MYO1A: variants seen among roughly 807,000 people sequenced by gnomAD.
The protein encoded by MYO1A is unconventional myosin-Ia.
MYO1A carries 127 observed loss-of-function variants against 138.5 expected under a neutral mutation model. That is an observed-to-expected ratio of 0.92 (90% CI 0.79 to 1.06). MYO1A has a LOEUF of 1.06. Ranked by LOEUF, MYO1A falls within the 50% of genes least tolerant of loss-of-function variation. The probability of loss-of-function intolerance (pLI) is 0.00; values close to 1 mark genes in which losing one functional copy is unlikely to be tolerated. For synonymous variants in MYO1A, 477 were observed against 497.5 expected, an observed-to-expected ratio of 0.96 and a Z score of 0.55; for missense variants, 1,211 against 1,288.8, an observed-to-expected ratio of 0.94 and a Z score of 0.92.
chr12:57,047,448 T>A, intron 4 of MYO1A, 41 bp from the exon 5 acceptor site: 2 of 1,584,646 alleles, frequency 1.3e-6, no homozygotes, highest in Non-Finnish European at 1.7e-6. Flanking sequence ...CACCCAGGAC[T>A]AGCCCATCCC....
At chr12:57,034,866 T>C (rs984717814) in intron 22 of MYO1A, among the ~76,000 whole-genome samples, 3 of 151,964 alleles carry the variant, frequency 2.0e-5, no homozygotes, top group Non-Finnish European at 4.4e-5. Flanking sequence ...CTCAGGAGGC[T>C]GAGGCAGGAT....
In MYO1A at chr12:57,037,575, T is replaced by G. The variant is rs748775677; in HGVS notation, c.2028A>C (p.Thr676=). 6.2e-7 allele frequency: 1 copy of G among 1,614,134 alleles called. No homozygotes were observed. The highest frequency in any genetic ancestry group is 1.7e-5 in the Admixed American group (1 of 60,016). Reference sequence around the variant, plus strand: ...TCTTGGGGCTTCTAATGAAGATCTTTGTCTTGCCAAAGGCCAGCTCCCCCG... The same window carrying G: ...TCTTGGGGCTTCTAATGAAGATCTTGGTCTTGCCAAAGGCCAGCTCCCCCG... The part of the protein sequence containing the change: ...MSSGELAFGK[T]KIFIRSPKTL... Residue 676 remains threonine (T), a synonymous_variant, in exon 19 of 28, where the codon ACA becomes ACC. Coordinates refer to ENST00000300119, the MANE Select transcript of MYO1A (RefSeq NM_005379.4).
chr12:57,043,430 A>C, intron 10 of MYO1A, 72 bp from the exon 11 acceptor site: 1 of 1,412,682 alleles, frequency 7.1e-7, no homozygotes, highest in South Asian at 1.1e-5. Context: ...CAATCTGATA[A>C]GTGAAACTGC....
chr12:57,038,399 G>A lies in MYO1A; in HGVS notation c.1760+13C>T, dbSNP rs765752333. Reference sequence around the variant, plus strand: ...ACATATGTAGCATGTTCCCCTGCATGCCAGCATGTCACCTGATGTAGTTGG... The same window carrying A: ...ACATATGTAGCATGTTCCCCTGCATACCAGCATGTCACCTGATGTAGTTGG... On this transcript the variant is annotated intron_variant, in intron 17 of 27. Coordinates refer to ENST00000300119, the MANE Select transcript of MYO1A (RefSeq NM_005379.4). The A allele has an allele frequency of 6.2e-7, 1 of 1,613,198 alleles. No individual in the cohort carries two copies. The highest frequency in any genetic ancestry group is 1.1e-5 in the South Asian group (1 of 91,074).
In MYO1A at chr12:57,038,002, G is replaced by T; in HGVS notation, c.1828C>A (p.Arg610=). The change falls in exon 18 of 28, where the codon CGG becomes AGG. Residue 610 remains arginine, a synonymous_variant. Coordinates refer to ENST00000300119, the MANE Select transcript of MYO1A (RefSeq NM_005379.4). ...ACGTTCTCCAGCAGTCCCAGGTACC[G>T]AGCCTGGGTTGCCACCAGGTCTGAA... ...FSSDLVATQA[R]YLGLLENVRV... The T allele has an allele frequency of 6.2e-7, 1 of 1,614,180 alleles. No homozygotes were observed. The highest frequency in any genetic ancestry group is 8.5e-7 in the Non-Finnish European group (1 of 1,180,040).
At chr12:57,049,568 T>C (rs552391863) in intron 1 of MYO1A, among the ~76,000 whole-genome samples, 3 of 152,326 alleles carry the variant, frequency 2.0e-5, no homozygotes, top group East Asian at 3.9e-4. Context: ...CTAGGAATCA[T>C]GCAGCGTTTA....
chr12:57,046,514 G>A (rs1203843981), intron 8 of MYO1A, 38 bp downstream of exon 8: 1 of 1,525,232 alleles, frequency 6.6e-7, no homozygotes, highest in East Asian at 2.2e-5. Context: ...TTTGCCATGT[G>A]TCACTCATGA....
chr12:57,038,908 C>G lies in MYO1A; in HGVS notation c.1434G>C (p.Lys478Asn), dbSNP rs1411857245. 1 of 1,614,180 alleles carries G rather than the reference C, an allele frequency of 6.2e-7. No homozygotes were observed. The highest frequency in any genetic ancestry group is 1.7e-5 in the Admixed American group (1 of 60,018). The change falls in exon 16 of 28, where the codon AAG becomes AAC. Residue 478 changes from lysine to asparagine, a missense_variant. By Grantham distance (94) the Lys-to-Asn change is moderately conservative. Coordinates refer to ENST00000300119, the MANE Select transcript of MYO1A (RefSeq NM_005379.4). ...FLAKLNQLFS[K>N]HGHYESKVTQ... ...TGACTTTGCTCTCGTAGTGGCCATG[C>G]TTGGAGAAGAGCTGGTTCAGCTTTG...
chr12:57,047,629 G>A lies in MYO1A; in HGVS notation c.323C>T (p.Thr108Ile), dbSNP rs2031165703. The A allele has an allele frequency of 8.1e-6, 13 of 1,614,192 alleles. No individual in the cohort carries two copies. The East Asian group carries it at 2.5e-4, about 30-fold the overall frequency. ...LITGESGSGK[T>I]EASKLVMSYV... ...GTTCCCCCAGCCAGGGGCCTCACCA[G>A]TCTTCCCTGATCCACTCTCGCCTGT... The change falls in exon 4 of 28, where the codon ACT (threonine) becomes ATT (isoleucine). Residue 108 changes from threonine to isoleucine, a missense_variant and splice_region_variant. Transcript: ENST00000300119.
In MYO1A at chr12:57,047,409, T is replaced by C. The variant is rs763448539; in HGVS notation, c.326-2A>G. The stretch of plus-strand genomic sequence containing the variant: ...AAGACATCACCAGCTTGCTGGCCTC[T>C]GTGCAGGCAAAACGCTCTCATGGGT... On this transcript the variant is annotated splice_acceptor_variant, in intron 4 of 27. Transcript: ENST00000300119. LOFTEE classifies it high-confidence loss of function. 2 of 1,614,018 alleles carry C rather than the reference T, an allele frequency of 1.2e-6. No individual in the cohort carries two copies. The highest frequency in any genetic ancestry group is 1.1e-5 in the South Asian group (1 of 91,084).
At position 57,047,649 on chromosome 12, in the gene MYO1A, G is replaced by A. The variant is rs750183012; in HGVS notation, c.303C>T (p.Gly101=). 277 of 1,614,048 alleles carry A rather than the reference G, an allele frequency of 1.7e-4. 1 individual carries two copies. Among genetic ancestry groups the A allele is most frequent in the Middle Eastern group, 6.6e-4 (4 of 6,084 alleles). ...RDRDQCILIT[G]ESGSGKTEAS... is the part of the protein sequence containing the mutation. Reference sequence around the variant, plus strand: ...CACCAGTCTTCCCTGATCCACTCTCGCCTGTGATGAGGATACACTGGTCTC... The same window carrying A: ...CACCAGTCTTCCCTGATCCACTCTCACCTGTGATGAGGATACACTGGTCTC... Residue 101 remains glycine, a synonymous_variant, in exon 4 of 28, where the codon GGC becomes GGT. Transcript: ENST00000300119.
Position 57,037,626 on chromosome 12 carries a change from C to CT in MYO1A, c.1976dup (p.Val660GlyfsTer22). On this transcript the variant is annotated frameshift_variant, in exon 19 of 28. Coordinates refer to ENST00000300119, the MANE Select transcript of MYO1A (RefSeq NM_005379.4). LOFTEE classifies it high-confidence loss of function. Reference sequence around the variant, plus strand: ...AGGACATGCTCAGCTCCCCCAGGACCTTCTCAACACCTTCCCTATGGAAGC... The same window carrying CT: ...AGGACATGCTCAGCTCCCCCAGGACCTTTCTCAACACCTTCCCTATGGAAGC... 1 of 1,614,120 alleles carries CT rather than the reference C, an allele frequency of 6.2e-7. No individual in the cohort carries two copies. Among genetic ancestry groups the CT allele is most frequent in the Non-Finnish European group, 8.5e-7 (1 of 1,180,028 alleles).
chr12:57,038,538 G>A lies in MYO1A; in HGVS notation c.1634C>T (p.Ser545Phe), dbSNP rs2030688643. 6 of 1,614,082 alleles carry A rather than the reference G, an allele frequency of 3.7e-6. No homozygotes were observed. Among genetic ancestry groups the A allele is most frequent in the Non-Finnish European group, 5.1e-6 (6 of 1,180,048 alleles). ...CTTAGGATTGCCCTCAGGAAACAAG[G>A]ACCGAAGGAGGGGGTGCTGGGCCTT... ...MWKAQHPLLR[S>F]LFPEGNPKQA... Residue 545 changes from serine to phenylalanine, a missense_variant, in exon 17 of 28, where the codon TCC becomes TTC. Transcript: ENST00000300119.
In MYO1A at chr12:57,029,765, T is replaced by A; in HGVS notation, c.2699A>T (p.Lys900Met). The change falls in exon 25 of 28, where the codon AAG becomes ATG. Residue 900 changes from lysine (K) to methionine (M), a missense_variant. Transcript: ENST00000300119. ...CTTGCCATTGCCACGATTGACCTTC[T>A]TCACGGCCTCTGCCATCAGAACAGG... ...EGPVLMAEAV[K>M]KVNRGNGKTS... The A allele has an allele frequency of 1.9e-6, 3 of 1,614,202 alleles. No individual in the cohort carries two copies. The highest frequency in any genetic ancestry group is 2.5e-6 in the Non-Finnish European group (3 of 1,180,026).
chr12:57,041,195 A>C lies in MYO1A; in HGVS notation c.1258T>G (p.Tyr420Asp). Residue 420 changes from tyrosine to aspartate, a missense_variant, in exon 14 of 28, where the codon TAT becomes GAT. Coordinates refer to ENST00000300119, the MANE Select transcript of MYO1A (RefSeq NM_005379.4). ...EMTLKEEQEE[Y>D]KREGIPWTKV... ...AAGACTTGGTTTACTTCTCTCTTATATTCCTCTTGCTCTTCTTTCAGGGTC... is the reference window on the plus strand; with the variant it reads ...AAGACTTGGTTTACTTCTCTCTTATCTTCCTCTTGCTCTTCTTTCAGGGTC... 1.2e-6 allele frequency: 2 copies of C among 1,612,640 alleles called. No individual in the cohort carries two copies. The highest frequency in any genetic ancestry group is 2.2e-5 in the South Asian group (2 of 91,034).
chr12:57,030,946 T>C (rs1334359744), intron 23 of MYO1A, 94 bp downstream of exon 23: 8 of 1,484,242 alleles, frequency 5.4e-6, no homozygotes, highest in Non-Finnish European at 7.3e-6. Flanking sequence ...ATTTTTTTAA[T>C]GGGAAAAAAA....
In MYO1A at chr12:57,039,667, G is replaced by A. The variant is rs566291828; in HGVS notation, c.1270-393C>T. Among the ~76,000 whole-genome samples the A allele has an allele frequency of 9.3e-4, 142 of 152,322 alleles. 1 individual carries two copies. Among genetic ancestry groups the A allele is most frequent in the African/African-American group, 3.3e-3 (138 of 41,574 alleles). On this transcript the variant is annotated intron_variant, in intron 14 of 27. Coordinates refer to ENST00000300119, the MANE Select transcript of MYO1A (RefSeq NM_005379.4). ...TCTGTGCTCTATAAAACCACAGCAC[G>A]TGAGAGTTTATCATCAAACAACAAG...
At chr12:57,047,898 GC>G in intron 3 of MYO1A, 90 bp downstream of exon 3, 1 of 1,561,938 alleles carries the variant, frequency 6.4e-7, no homozygotes, top group East Asian at 2.4e-5. Context: ...AGCTGGAGAA[GC>G]CCCTTCAGGG....
intron 17 of MYO1A, 119 bp from the exon 18 acceptor site, chr12:57,038,188 A>G (rs940759342): frequency 4.7e-6 from 6 of 1,264,330 alleles, no homozygotes; most frequent in Non-Finnish European, 6.8e-6. Flanking sequence ...AAGAAAGTAG[A>G]CACACTGGCC....
Sources: gnomAD v4.1 joint callset for allele counts (sites outside exome capture counted in the v4.1 genomes callset) on GRCh38, gnomAD v4.1.1 for gene constraint, MANE v1.5 for transcripts, NCBI Gene and HGNC (gene_info 2026-07-23, HGNC 2026-07-21) for gene names.